The following PLAAT1 variants were observed in gnomAD, a reference collection of about 807,000 sequenced individuals.
The protein encoded by PLAAT1 is phospholipase A and acyltransferase 1.
PLAAT1 carries 13 observed loss-of-function variants against 16.4 expected under a neutral mutation model. That is an observed-to-expected ratio of 0.79 (90% CI 0.52 to 1.26). The LOEUF (loss-of-function observed/expected upper bound fraction) is 1.26, where lower values mean the gene tolerates loss of function less well. Ranked by LOEUF, PLAAT1 falls within the 50% of genes most tolerant of loss-of-function variation. The pLI is 0.00. For synonymous variants in PLAAT1, 73 were observed against 78.4 expected, an observed-to-expected ratio of 0.93 and a Z score of 0.36; for missense variants, 218 against 207.8, an observed-to-expected ratio of 1.05 and a Z score of -0.30.
At chr3:193,270,349 T>C (rs1324482312) in intron 3 of PLAAT1, among the ~76,000 whole-genome samples, 2 of 152,242 alleles carry the variant, frequency 1.3e-5, no homozygotes, top group African/African-American at 4.8e-5. Context: ...AATTAGTTTA[T>C]AAACTGTCAG....
At chr3:193,256,121 C>T (rs1379415787) in intron 2 of PLAAT1, among the ~76,000 whole-genome samples, 1 of 152,174 alleles carries the variant, frequency 6.6e-6, no homozygotes, top group Non-Finnish European at 1.5e-5. Context: ...ATTTATTCAA[C>T]ACCTATTTAT....
intron 2 of PLAAT1, among the ~76,000 whole-genome samples, chr3:193,257,728 C>A (rs938390872): frequency 5.9e-5 from 9 of 151,988 alleles, no homozygotes; most frequent in African/African-American, 1.9e-4. Flanking sequence ...AGTCAGTGGG[C>A]TAGGAGAGAC....
chr3:193,276,980 G>GACTC (rs1337296520), intron 2 of PLAAT1: 1 of 611,942 alleles, frequency 1.6e-6, no homozygotes, highest in African/African-American at 1.9e-5. Flanking sequence ...ACAACTGAAG[G>GACTC]ACTCAAAGCC....
At chr3:193,242,663 A>G (rs1715816231) in intron 1 of PLAAT1, among the ~76,000 whole-genome samples, 1 of 152,176 alleles carries the variant, frequency 6.6e-6, no homozygotes, top group Non-Finnish European at 1.5e-5. Context: ...GTGCTGTGGC[A>G]GCGGATAGTT....
In PLAAT1 at chr3:193,270,601, T is replaced by A; in HGVS notation, c.406-3T>A. The A allele has an allele frequency of 6.2e-7, 1 of 1,611,758 alleles. No individual in the cohort carries two copies. The highest frequency in any genetic ancestry group is 8.5e-7 in the Non-Finnish European group (1 of 1,178,718). Reference sequence around the variant, plus strand: ...TTTTTGTTTACTTCTTGTTTCCTTATAGGCCAACCGAGCGATAAGTACCGT... The same window carrying A: ...TTTTTGTTTACTTCTTGTTTCCTTAAAGGCCAACCGAGCGATAAGTACCGT... On this transcript the variant is annotated splice_region_variant and splice_polypyrimidine_tract_variant and intron_variant, in intron 3 of 3. Transcript: ENST00000264735.
chr3:193,268,971 CA>C (rs1716878458), intron 3 of PLAAT1, among the ~76,000 whole-genome samples: 1 of 152,034 alleles, frequency 6.6e-6, no homozygotes, highest in Non-Finnish European at 1.5e-5. Flanking sequence ...ATTGCACCTT[CA>C]TTTTTTTTTT....
intron 1 of PLAAT1, among the ~76,000 whole-genome samples, chr3:193,241,913 C>T (rs1715769074): frequency 6.6e-6 from 1 of 152,178 alleles, no homozygotes; most frequent in Non-Finnish European, 1.5e-5. Context: ...CTCATGTTTT[C>T]TCTGGGCTTG....
intron 1 of PLAAT1, among the ~76,000 whole-genome samples, chr3:193,242,523 G>T (rs113371865): frequency 6.6e-5 from 10 of 152,128 alleles, no homozygotes; most frequent in African/African-American, 2.4e-4. Flanking sequence ...CTCTTGAGTG[G>T]GAAGAATAAT....
intron 2 of PLAAT1, among the ~76,000 whole-genome samples, chr3:193,256,281 T>C (rs1716369763): frequency 2.0e-5 from 3 of 151,792 alleles, no homozygotes; most frequent in Admixed American, 1.3e-4. Flanking sequence ...ACAGAAAAAA[T>C]AAGAAGGTAG....
At chr3:193,273,937 G>A (rs1717069237), downstream of PLAAT1, among the ~76,000 whole-genome samples, 1 of 152,054 alleles carries the variant, frequency 6.6e-6, no homozygotes, top group Non-Finnish European at 1.5e-5. Context: ...TTGAGTTCTG[G>A]ACGACTTTTA....
chr3:193,277,742 C>T (rs972519771), downstream of PLAAT1: 2 of 152,218 alleles, frequency 1.3e-5, no homozygotes, highest in Admixed American at 1.3e-4. Context: ...GAGAACCTGG[C>T]TCTTTTTCTC....
downstream of PLAAT1, chr3:193,279,373 C>A (rs765570766): frequency 1.9e-6 from 3 of 1,613,180 alleles, no homozygotes; most frequent in Admixed American, 1.7e-5. Context: ...TACCTCCATT[C>A]CACGGTATAT....
intron 1 of PLAAT1, among the ~76,000 whole-genome samples, chr3:193,253,750 A>G (rs1425500952): frequency 6.6e-6 from 1 of 152,148 alleles, no homozygotes; most frequent in African/African-American, 2.4e-5. Context: ...TGTTTTATAT[A>G]TTAGGGTTTC....
rs1716948913 is a variant in PLAAT1 at position 193,270,523 on chromosome 3, G to A, written c.406-81G>A. 3.3e-5 allele frequency: 45 copies of A among 1,350,894 alleles called. 1 individual carries two copies. In the South Asian group the frequency reaches 6.3e-4, roughly 19 times the overall value. 83.7% of individuals were successfully genotyped at this position (1,350,894 alleles called of 1,614,324 possible). A position where few individuals can be genotyped will look rare whatever the true frequency, so the allele number is the denominator to read the frequency against. On this transcript the variant is annotated intron_variant, in intron 3 of 3. Coordinates refer to ENST00000264735, the MANE Select transcript of PLAAT1 (RefSeq NM_020386.5). ...ACATTAAAACAGGTGTTCAGTTTAGGAAACAGGCTAAAGCTTCATTTAGGA... is the reference window on the plus strand; with the variant it reads ...ACATTAAAACAGGTGTTCAGTTTAGAAAACAGGCTAAAGCTTCATTTAGGA...
chr3:193,246,527 A>G (rs576517993), intron 1 of PLAAT1, among the ~76,000 whole-genome samples: 1 of 152,088 alleles, frequency 6.6e-6, no homozygotes, highest in East Asian at 1.9e-4. Context: ...CCACCATGTT[A>G]GCTTTTGGTA....
intron 3 of PLAAT1, among the ~76,000 whole-genome samples, chr3:193,267,104 T>G (rs775326626): frequency 6.6e-6 from 1 of 152,152 alleles, no homozygotes; most frequent in Non-Finnish European, 1.5e-5. Context: ...GCTGAAAGTA[T>G]AGAACTCTCT....
chr3:193,263,626 A>G lies in PLAAT1; in HGVS notation c.405+391A>G, dbSNP rs983522535. Among the ~76,000 whole-genome samples the G allele has an allele frequency of 2.6e-4, 40 of 152,178 alleles. 1 individual carries two copies. The highest frequency in any genetic ancestry group is 1.8e-3 in the Admixed American group (27 of 15,288). ...TTATTTACCAGTATCACAAATGGTT[A>G]TTCTTAAATTATTTTTCATTGGTGG... On this transcript the variant is annotated intron_variant, in intron 3 of 3. Coordinates refer to ENST00000264735, the MANE Select transcript of PLAAT1 (RefSeq NM_020386.5).
At chr3:193,241,761 G>T (rs916052819) in intron 1 of PLAAT1, among the ~76,000 whole-genome samples, 1 of 152,140 alleles carries the variant, frequency 6.6e-6, no homozygotes, top group South Asian at 2.1e-4. Flanking sequence ...CCTGTTTAAG[G>T]CTTTTTAAGC....
At chr3:193,267,587 C>T (rs1577311882) in intron 3 of PLAAT1, among the ~76,000 whole-genome samples, 1 of 152,102 alleles carries the variant, frequency 6.6e-6, no homozygotes, top group Admixed American at 6.6e-5. Context: ...CTTGATTTAC[C>T]ACACCTTATT....
Sources: allele counts gnomAD v4.1 joint callset (sites outside exome capture counted in the v4.1 genomes callset), GRCh38; gene constraint gnomAD v4.1.1; transcripts MANE v1.5; gene names NCBI Gene and HGNC (gene_info 2026-07-23, HGNC 2026-07-21).